The following WWOX variants were observed in gnomAD, a reference collection of about 807,000 sequenced individuals.
The protein encoded by WWOX is WW domain-containing oxidoreductase.
A neutral mutation model predicts 46.2 loss-of-function variants in WWOX; 69 were observed. The ratio of observed to expected loss-of-function variants is 1.49; its 90% CI spans 1.23 to 1.82. The LOEUF (loss-of-function observed/expected upper bound fraction) is 1.82. Ranked by LOEUF, WWOX falls within the 40% of genes most tolerant of loss-of-function variation. The probability of loss-of-function intolerance (pLI) is 0.00; values close to 1 mark genes in which losing one functional copy is unlikely to be tolerated. For missense variants in WWOX, 919 were observed against 542.6 expected (o/e 1.69, Z -6.89); for synonymous variants, 359 against 202.6 (o/e 1.77, Z -6.56).
intron 8 of WWOX, among the ~76,000 whole-genome samples, chr16:78,828,263 GC>G (rs2051717896): frequency 6.6e-6 from 1 of 152,186 alleles, no homozygotes; most frequent in Non-Finnish European, 1.5e-5. Flanking sequence ...TAAAAGCACA[GC>G]CTCCAGAGAG....
chr16:78,860,087 C>G (rs2052680783), intron 8 of WWOX, among the ~76,000 whole-genome samples: 1 of 152,142 alleles, frequency 6.6e-6, no homozygotes, highest in Non-Finnish European at 1.5e-5. Context: ...GCATTATGCA[C>G]AAACACATAA....
chr16:78,433,501 G>A (rs1295480243), intron 8 of WWOX, among the ~76,000 whole-genome samples: 1 of 152,182 alleles, frequency 6.6e-6, no homozygotes, highest in Non-Finnish European at 1.5e-5. Context: ...CTTCAAAAAT[G>A]TCTTCCTATT....
intron 8 of WWOX, among the ~76,000 whole-genome samples, chr16:78,674,278 C>CTTTTTTT (rs11386735): frequency 7.2e-6 from 1 of 138,720 alleles, no homozygotes; most frequent in African/African-American, 2.7e-5. Context: ...ACCAGTTCAT[C>CTTTTTTT]TTTTTTTTTT....
intron 8 of WWOX, among the ~76,000 whole-genome samples, chr16:79,182,033 G>A (rs567673639): frequency 8.5e-5 from 13 of 152,174 alleles, no homozygotes; most frequent in African/African-American, 2.2e-4. Flanking sequence ...ACAGGTTATC[G>A]TGTGCTGAAG....
chr16:79,173,463 C>G (rs1444205966), intron 8 of WWOX, among the ~76,000 whole-genome samples: 3 of 152,198 alleles, frequency 2.0e-5, no homozygotes, highest in African/African-American at 7.2e-5. Context: ...GGACCAGAAG[C>G]TCACTGTGGT....
intron 8 of WWOX, among the ~76,000 whole-genome samples, chr16:78,865,804 C>T (rs867739208): frequency 3.3e-5 from 5 of 152,164 alleles, no homozygotes; most frequent in Admixed American, 3.3e-4. Flanking sequence ...CACTTGAACT[C>T]GGAAGGCAGA....
chr16:78,691,907 G>T (rs1456209628), intron 8 of WWOX, among the ~76,000 whole-genome samples: 1 of 152,128 alleles, frequency 6.6e-6, no homozygotes, highest in African/African-American at 2.4e-5. Flanking sequence ...GAATCATGGG[G>T]CCCAGCCTTT....
intron 8 of WWOX, among the ~76,000 whole-genome samples, chr16:79,068,075 T>C (rs2048475359): frequency 6.6e-6 from 1 of 152,132 alleles, no homozygotes; most frequent in Admixed American, 6.5e-5. Context: ...CATGTACAAG[T>C]GCACAGGGGA....
intron 8 of WWOX, among the ~76,000 whole-genome samples, chr16:78,606,024 A>G (rs942509775): frequency 1.3e-5 from 2 of 152,200 alleles, no homozygotes; most frequent in African/African-American, 4.8e-5. Flanking sequence ...GTCAAAATAT[A>G]TACTAGTTAG....
At chr16:79,068,909 C>T (rs773486170) in intron 8 of WWOX, among the ~76,000 whole-genome samples, 1 of 151,706 alleles carries the variant, frequency 6.6e-6, no homozygotes, top group Non-Finnish European at 1.5e-5. Flanking sequence ...AAAGTGGTTC[C>T]TTGGGTCTGA....
At chr16:78,914,583 A>G (rs1329476607) in intron 8 of WWOX, among the ~76,000 whole-genome samples, 2 of 152,084 alleles carry the variant, frequency 1.3e-5, no homozygotes, top group South Asian at 2.1e-4. Flanking sequence ...CACTGTGAGT[A>G]TAAGAGGGAA....
In WWOX at chr16:78,874,457, G is replaced by T. The variant is rs375624975; in HGVS notation, c.1057-337151G>T. 2.6e-4 allele frequency among the ~76,000 whole-genome samples: 40 copies of T among 152,066 alleles called. 1 individual carries two copies. The South Asian group carries it at 7.7e-3, about 29-fold the overall frequency. On this transcript the variant is annotated intron_variant, in intron 8 of 8. Coordinates refer to ENST00000566780, the MANE Select transcript of WWOX (RefSeq NM_016373.4). Reference sequence around the variant, plus strand: ...TCCTGGTTCTGCTACCTCCAACTGGGTCGATTTCAAAAAATTATGGACTTG... The same window carrying T: ...TCCTGGTTCTGCTACCTCCAACTGGTTCGATTTCAAAAAATTATGGACTTG...
intron 8 of WWOX, among the ~76,000 whole-genome samples, chr16:78,836,642 G>A (rs1386411970): frequency 2.0e-5 from 3 of 152,308 alleles, no homozygotes; most frequent in East Asian, 1.9e-4. Context: ...CATCCTTGAG[G>A]TGGCTGGCAT....
intron 5 of WWOX, among the ~76,000 whole-genome samples, chr16:78,224,070 C>G (rs117954601): frequency 6.6e-6 from 1 of 152,102 alleles, no homozygotes; most frequent in Non-Finnish European, 1.5e-5. Flanking sequence ...GTGGGGTGAT[C>G]TCAGCTCATT....
At chr16:79,038,062 G>A (rs1016064765) in intron 8 of WWOX, among the ~76,000 whole-genome samples, 22 of 151,924 alleles carry the variant, frequency 1.4e-4, no homozygotes, top group Admixed American at 1.2e-3. Context: ...GCATTCTCTC[G>A]GCTTCCCTCC....
intron 8 of WWOX, among the ~76,000 whole-genome samples, chr16:78,668,194 C>A (rs1432084912): frequency 6.6e-6 from 1 of 152,116 alleles, no homozygotes; most frequent in Non-Finnish European, 1.5e-5. Flanking sequence ...ACAGAAGAAC[C>A]ACTGGAACCT....
chr16:78,941,630 C>T (rs1323854659), intron 8 of WWOX, among the ~76,000 whole-genome samples: 3 of 152,088 alleles, frequency 2.0e-5, no homozygotes, highest in East Asian at 1.9e-4. Context: ...GGAGAGTGCT[C>T]AGAAAATAGA....
intron 5 of WWOX, among the ~76,000 whole-genome samples, chr16:78,240,978 T>G (rs1284892438): frequency 6.6e-6 from 1 of 152,116 alleles, no homozygotes; most frequent in Non-Finnish European, 1.5e-5. Context: ...AATTTGGGGA[T>G]CTCTCAACGT....
intron 8 of WWOX, among the ~76,000 whole-genome samples, chr16:78,852,127 T>C (rs971770925): frequency 1.3e-5 from 2 of 152,198 alleles, no homozygotes; most frequent in Admixed American, 1.3e-4. Flanking sequence ...TGTTGAAATG[T>C]TAGAGTTCAA....
Sources: allele counts gnomAD v4.1 joint callset (sites outside exome capture counted in the v4.1 genomes callset), GRCh38; gene constraint gnomAD v4.1.1; transcripts MANE v1.5; gene names NCBI Gene and HGNC (gene_info 2026-07-23, HGNC 2026-07-21).